The following DPP6 variants were observed in gnomAD, a reference collection of about 807,000 sequenced individuals.
The protein encoded by DPP6 is dipeptidyl peptidase like 6, also known as A-type potassium channel modulatory protein DPP6.
In DPP6, 69 loss-of-function variants were observed where a neutral mutation model predicts 122.6. That is an observed-to-expected ratio of 0.56 (90% confidence interval 0.46 to 0.69). The LOEUF (loss-of-function observed/expected upper bound fraction) is 0.69. DPP6 is among the 30% of genes least tolerant of loss of function. The pLI, the probability that DPP6 is intolerant of heterozygous loss-of-function variation, is 0.00. For synonymous variants in DPP6, 418 were observed against 433.1 expected (o/e 0.97, Z 0.43); for missense variants, 928 against 1,116.9 (o/e 0.83, Z 2.41).
intron 1 of DPP6, among the ~76,000 whole-genome samples, chr7:154,091,708 T>TC (rs1394090832): frequency 4.0e-5 from 6 of 151,594 alleles, no homozygotes; most frequent in Admixed American, 3.3e-4. Flanking sequence ...CACCTCCTCT[T>TC]CCCCCCCTCA....
upstream of DPP6, chr7:153,887,060 T>G (rs982211655): frequency 1.3e-5 from 2 of 152,336 alleles, no homozygotes; most frequent in Admixed American, 6.5e-5. Context: ...TGCGCTCGCT[T>G]AACCTTGATG....
chr7:154,801,540 G>A, intron 13 of DPP6, 78 bp downstream of exon 13: 6 of 1,464,754 alleles, frequency 4.1e-6, no homozygotes, highest in Non-Finnish European at 3.6e-6. Context: ...CTAGGGCTGG[G>A]CACACTTGCG....
intron 1 of DPP6, among the ~76,000 whole-genome samples, chr7:154,417,875 C>G (rs1817157904): frequency 6.6e-6 from 1 of 152,322 alleles, no homozygotes; most frequent in Non-Finnish European, 1.5e-5. Context: ...TTTTGTAATT[C>G]ATTCTTCACT....
chr7:154,431,931 C>G (rs1818464142), intron 1 of DPP6, among the ~76,000 whole-genome samples: 1 of 152,162 alleles, frequency 6.6e-6, no homozygotes, highest in Admixed American at 6.5e-5. Context: ...GCGCTCAGCT[C>G]CTGGTAGCCC....
In DPP6 at chr7:154,045,839, C is replaced by A. The variant is rs150247142; in HGVS notation, c.51+158105C>A. Among the ~76,000 whole-genome samples the A allele has an allele frequency of 8.2e-3, 1,256 of 152,314 alleles. 12 individuals are homozygous for A. Among genetic ancestry groups the A allele is most frequent in the Non-Finnish European group, 0.015 (988 of 68,036 alleles). ...ATGATCATCTGCATGAAAGCAAGTT[C>A]ACTGTAGTTCATGATTTCATCCTTA... On this transcript the variant is annotated intron_variant, in intron 1 of 25. Transcript: ENST00000404039.
chr7:154,188,783 G>A (rs2150760890), intron 1 of DPP6, among the ~76,000 whole-genome samples: 1 of 152,272 alleles, frequency 6.6e-6, no homozygotes, highest in African/African-American at 2.4e-5. Context: ...ACTTAAATAT[G>A]CAAACCTATA....
At chr7:154,251,466 T>G (rs1207224512) in intron 1 of DPP6, among the ~76,000 whole-genome samples, 1 of 152,106 alleles carries the variant, frequency 6.6e-6, no homozygotes, top group Non-Finnish European at 1.5e-5. Flanking sequence ...GGGACAGAAC[T>G]AATAGGATAT....
At chr7:154,029,518 A>G (rs1293904831) in intron 1 of DPP6, among the ~76,000 whole-genome samples, 1 of 149,900 alleles carries the variant, frequency 6.7e-6, no homozygotes, top group Non-Finnish European at 1.5e-5. Context: ...CTCCATCTCA[A>G]ACAAAAAAAG....
intron 4 of DPP6, among the ~76,000 whole-genome samples, chr7:154,560,882 T>TA (rs199932364): frequency 1.8e-3 from 236 of 127,772 alleles, no homozygotes; most frequent in Middle Eastern, 4.1e-3. Context: ...GACTCCGTCT[T>TA]AAAAAAAAAA....
intron 7 of DPP6, among the ~76,000 whole-genome samples, chr7:154,711,653 G>A (rs992324587): frequency 1.9e-5 from 1 of 51,950 alleles, no homozygotes; most frequent in Admixed American, 2.0e-4. Context: ...CAAGTCCAAG[G>A]TTCTTTCTTT....
In DPP6 at chr7:154,843,810, A is replaced by C. The variant is rs1311723468; in HGVS notation, c.1667-9970A>C. Among the ~76,000 whole-genome samples the C allele has an allele frequency of 3.9e-5, 6 of 152,290 alleles. No individual in the cohort carries two copies. The East Asian group carries it at 1.2e-3, about 29-fold the overall frequency. Reference sequence around the variant, plus strand: ...TGGTCCCCTGACCCCTTCTTTACTTACAGGAGTCCCCGCATAGACCTCTGA... The same window carrying C: ...TGGTCCCCTGACCCCTTCTTTACTTCCAGGAGTCCCCGCATAGACCTCTGA... On this transcript the variant is annotated intron_variant, in intron 16 of 25. Coordinates refer to ENST00000377770, the MANE Select transcript of DPP6 (RefSeq NM_130797.4).
At chr7:154,838,118 G>A (rs1029849750) in intron 16 of DPP6, among the ~76,000 whole-genome samples, 3 of 152,288 alleles carry the variant, frequency 2.0e-5, no homozygotes, top group South Asian at 2.1e-4. Flanking sequence ...CCGTGTTCAC[G>A]AGGACAGGAA....
At chr7:153,877,305 T>C in the DPP6 span, among the ~76,000 whole-genome samples, 3 of 152,150 alleles carry the variant, frequency 2.0e-5, no homozygotes, top group Non-Finnish European at 4.4e-5. Context: ...TCTATATGCT[T>C]TTATCTATTT....
At chr7:154,816,845 G>A (rs141181505) in intron 16 of DPP6, among the ~76,000 whole-genome samples, 3 of 152,250 alleles carry the variant, frequency 2.0e-5, no homozygotes, top group Non-Finnish European at 2.9e-5. Flanking sequence ...TTCCAGAAGC[G>A]GCCATGGATG....
intron 16 of DPP6, 80 bp from the exon 17 acceptor site, chr7:154,853,700 G>T: frequency 6.4e-7 from 1 of 1,556,606 alleles, no homozygotes; most frequent in Non-Finnish European, 8.7e-7. Flanking sequence ...CGTGGCATAA[G>T]AAAAGCCTGT....
intron 7 of DPP6, among the ~76,000 whole-genome samples, chr7:154,674,746 G>A (rs78701257): frequency 0.12 from 18,488 of 152,124 alleles, 1,219 homozygotes; most frequent in African/African-American, 0.16. Flanking sequence ...GTAGTTAGCC[G>A]GGAAACCTGC....
intron 1 of DPP6, among the ~76,000 whole-genome samples, chr7:153,999,563 T>G (rs756577705): frequency 6.6e-6 from 1 of 152,330 alleles, no homozygotes; most frequent in East Asian, 1.9e-4. Flanking sequence ...TTCCTTTGAA[T>G]GGAGGTAGAG....
intron 1 of DPP6, among the ~76,000 whole-genome samples, chr7:154,171,397 C>T (rs577537270): frequency 3.9e-5 from 6 of 152,340 alleles, no homozygotes; most frequent in African/African-American, 1.4e-4. Context: ...CTTTTGCTCC[C>T]TGAGCTGAGA....
chr7:153,898,833 A>G (rs1799519764), intron 1 of DPP6, among the ~76,000 whole-genome samples: 1 of 152,152 alleles, frequency 6.6e-6, no homozygotes, highest in Non-Finnish European at 1.5e-5. Context: ...ACCACCATCT[A>G]AGTTTGCATA....
Sources: gnomAD v4.1 joint callset for allele counts (sites outside exome capture counted in the v4.1 genomes callset) on GRCh38, gnomAD v4.1.1 for gene constraint, MANE v1.5 for transcripts, NCBI Gene and HGNC (gene_info 2026-07-23, HGNC 2026-07-21) for gene names.